Variants in DLC1 observed in about 807,000 individuals in gnomAD.
DLC1 encodes the protein DLC1 Rho GTPase activating protein, also known as rho GTPase-activating protein 7.
In DLC1, 54 loss-of-function variants were observed where a neutral mutation model predicts 140.3. The ratio of observed to expected loss-of-function variants is 0.38; its 90% CI spans 0.31 to 0.48. The LOEUF is 0.48. Ranked by LOEUF, DLC1 falls within the 20% of genes least tolerant of loss-of-function variation. The pLI, the probability that DLC1 is intolerant of heterozygous loss-of-function variation, is 0.96. For synonymous variants in DLC1, 986 were observed against 728.1 expected, an observed-to-expected ratio of 1.35 and a Z score of -5.70; for missense variants, 2,536 against 1,907.0, an observed-to-expected ratio of 1.33 and a Z score of -6.14.
intron 4 of DLC1, among the ~76,000 whole-genome samples, chr8:13,314,251 T>C (rs1313532058): frequency 6.7e-6 from 1 of 148,398 alleles, no homozygotes; most frequent in African/African-American, 2.5e-5. Context: ...AATATACATG[T>C]GTATACATAT....
At chr8:13,432,644 G>T (rs1206442349) in intron 2 of DLC1, among the ~76,000 whole-genome samples, 1 of 152,194 alleles carries the variant, frequency 6.6e-6, no homozygotes, top group African/African-American at 2.4e-5. Flanking sequence ...GAGGAGTAGG[G>T]AACGTGTAAA....
chr8:13,227,320 G>C (rs79992265), intron 5 of DLC1, among the ~76,000 whole-genome samples: 3,865 of 152,220 alleles, frequency 0.025, 187 homozygotes, highest in African/African-American at 0.087. Context: ...GTGCTCATAT[G>C]TTTTATGTCT....
At chr8:13,365,751 G>A (rs759474095) in intron 4 of DLC1, among the ~76,000 whole-genome samples, 10 of 152,078 alleles carry the variant, frequency 6.6e-5, no homozygotes, top group South Asian at 2.1e-4. Flanking sequence ...ATGTCTCACC[G>A]AGGAATAGGG....
chr8:13,599,114 T>G (rs1177256184), intron 1 of DLC1, among the ~76,000 whole-genome samples: 1 of 151,768 alleles, frequency 6.6e-6, no homozygotes. Context: ...ACTAGCATTC[T>G]GATTGAAAAA....
At chr8:13,323,655 A>C (rs1000750420) in intron 4 of DLC1, among the ~76,000 whole-genome samples, 6 of 152,160 alleles carry the variant, frequency 3.9e-5, no homozygotes, top group East Asian at 1.9e-4. Context: ...TTTTACAATA[A>C]ATATTAAGGT....
intron 2 of DLC1, among the ~76,000 whole-genome samples, chr8:13,416,884 A>C (rs767160154): frequency 2.0e-5 from 3 of 152,086 alleles, no homozygotes; most frequent in Non-Finnish European, 4.4e-5. Flanking sequence ...AGTGAGAAAA[A>C]ACTTTTTTTT....
At chr8:13,443,139 G>A (rs908669356) in intron 2 of DLC1, among the ~76,000 whole-genome samples, 2 of 150,498 alleles carry the variant, frequency 1.3e-5, no homozygotes, top group Non-Finnish European at 3.0e-5. Context: ...TGACTCATAG[G>A]TGGGAATTGA....
At chr8:13,218,493 G>T (rs570015085) in intron 5 of DLC1, among the ~76,000 whole-genome samples, 11 of 152,092 alleles carry the variant, frequency 7.2e-5, no homozygotes, top group African/African-American at 2.2e-4. Flanking sequence ...ATTTTCCAAA[G>T]ATGATAATGC....
At position 13,583,401 on chromosome 8, in the gene DLC1, T is replaced by C. The variant is rs1585302120; in HGVS notation, c.-126+21136A>G. Among the ~76,000 whole-genome samples, 5 of 152,290 alleles carry C rather than the reference T, an allele frequency of 3.3e-5. No homozygotes were observed. The South Asian group carries it at 1.0e-3, about 32-fold the overall frequency. ...CTCATCCATAAGAAGCAACTCTCTG[T>C]TGGTTCAGGTTTTCTCACAAGATTG... On this transcript the variant is annotated intron_variant, in intron 1 of 1. Transcript: ENST00000631382.
intron 1 of DLC1, among the ~76,000 whole-genome samples, chr8:13,594,541 C>A (rs545021874): frequency 6.6e-6 from 1 of 152,088 alleles, no homozygotes. Flanking sequence ...ATCAGTTCTT[C>A]GATTTTCTGC....
At chr8:13,270,059 A>C (rs1369631748) in intron 5 of DLC1, among the ~76,000 whole-genome samples, 6 of 150,788 alleles carry the variant, frequency 4.0e-5, no homozygotes, top group African/African-American at 1.5e-4. Flanking sequence ...TCCGTCTCAA[A>C]AAAAAAAAAA....
chr8:13,301,101 G>A lies in DLC1; in HGVS notation c.1348+4168C>T, dbSNP rs185066196. ...AGGATCTGATGACCTCAGGGACTGTGGATACAGGAGGATAATGGAATCACG... is the reference window on the plus strand; with the variant it reads ...AGGATCTGATGACCTCAGGGACTGTAGATACAGGAGGATAATGGAATCACG... On this transcript the variant is annotated intron_variant, in intron 5 of 17. Coordinates refer to ENST00000276297, the MANE Select transcript of DLC1 (RefSeq NM_182643.3). Among the ~76,000 whole-genome samples the A allele has an allele frequency of 2.2e-4, 33 of 152,154 alleles. No individual in the cohort carries two copies. In the East Asian group the frequency reaches 5.2e-3, roughly 24 times the overall value.
intron 5 of DLC1, among the ~76,000 whole-genome samples, chr8:13,197,496 G>A (rs900577152): frequency 6.6e-6 from 1 of 151,654 alleles, no homozygotes; most frequent in Non-Finnish European, 1.5e-5. Flanking sequence ...CTACAGGCCC[G>A]CCAACAAGCC....
At chr8:13,301,336 T>C (rs957900680) in intron 5 of DLC1, among the ~76,000 whole-genome samples, 4 of 152,208 alleles carry the variant, frequency 2.6e-5, no homozygotes, top group African/African-American at 9.7e-5. Flanking sequence ...ATCTTTCTTC[T>C]TCCACATGGA....
At chr8:13,525,714 A>G (rs574870642) in intron 1 of DLC1, among the ~76,000 whole-genome samples, 48 of 152,314 alleles carry the variant, frequency 3.2e-4, no homozygotes, top group African/African-American at 9.6e-4. Flanking sequence ...TATTCTGCAT[A>G]TAAGCTCTTT....
chr8:13,319,532 A>G (rs1233685935), intron 4 of DLC1, among the ~76,000 whole-genome samples: 1 of 151,592 alleles, frequency 6.6e-6, no homozygotes, highest in Non-Finnish European at 1.5e-5. Flanking sequence ...GAGTTCTTAC[A>G]AAATCTGGTT....
At chr8:13,440,085 C>T (rs1798432621) in intron 2 of DLC1, among the ~76,000 whole-genome samples, 1 of 152,282 alleles carries the variant, frequency 6.6e-6, no homozygotes, top group South Asian at 2.1e-4. Flanking sequence ...TTGGGAAATA[C>T]TAGTTTCTTT....
Position 13,570,572 on chromosome 8 carries a change from T to C in DLC1, c.-126+33965A>G, listed in dbSNP as rs1026087964. 2.0e-5 allele frequency among the ~76,000 whole-genome samples: 3 copies of C among 148,756 alleles called. No homozygotes were observed. In the Admixed American group the frequency reaches 2.0e-4, roughly 10 times the overall value. ...TTGGTTTTTTGTTCTTGCGATAGTT[T>C]ACTGAGAATGATGGTTTCCAATTTC... is the stretch of plus-strand genomic sequence containing the variant. On this transcript the variant is annotated intron_variant, in intron 1 of 1. Coordinates refer to the DLC1 transcript ENST00000631382.
At chr8:13,421,866 C>A (rs1454958) in intron 2 of DLC1, among the ~76,000 whole-genome samples, 11,104 of 151,938 alleles carry the variant, frequency 0.073, 545 homozygotes, top group East Asian at 0.14. Flanking sequence ...GCACAGGGAA[C>A]AGAAATTTTT....
Sources: gnomAD v4.1 joint callset for allele counts (sites outside exome capture counted in the v4.1 genomes callset) on GRCh38, gnomAD v4.1.1 for gene constraint, MANE v1.5 for transcripts, NCBI Gene and HGNC (gene_info 2026-07-23, HGNC 2026-07-21) for gene names.